The following CPA1 variants were observed in gnomAD, a reference collection of about 807,000 sequenced individuals.
CPA1 encodes carboxypeptidase A1 (pancreatic).
CPA1 carries 42 observed loss-of-function variants against 48.7 expected under a neutral mutation model. That is an observed-to-expected ratio of 0.86 (90% CI 0.67 to 1.11). The LOEUF is 1.11. Among genes scored for constraint, CPA1 ranks in the 50% most tolerant of loss-of-function variants. CPA1 has a pLI of 0.00. For missense variants in CPA1, 477 were observed against 544.7 expected (o/e 0.88, Z 1.24); for synonymous variants, 203 against 217.9 (o/e 0.93, Z 0.60).
chr7:130,387,828 A>G lies in CPA1; in HGVS notation c.1077A>G (p.Gln359=). ...NYGSIIKAIY[Q]ASGSTIDWTY... ...CCTATTTTACTCCTGCCCCAGATCA[A>G]GCCAGTGGAAGCACTATTGACTGGA... The change falls in exon 10 of 10, where the codon CAA becomes CAG. Residue 359 remains glutamine, a synonymous_variant. Coordinates refer to ENST00000011292, the MANE Select transcript of CPA1 (RefSeq NM_001868.4). This position sits in a 1 kb window ranked among gnomAD's most constrained non-coding sequence, Gnocchi z 4.6. The G allele has an allele frequency of 3.1e-6, 5 of 1,613,852 alleles. No homozygotes were observed. The Admixed American group carries it at 5.0e-5, about 16-fold the overall frequency.
At chr7:130,381,585 G>C in intron 2 of CPA1, 45 bp from the exon 3 acceptor site, 1 of 1,486,202 alleles carries the variant, frequency 6.7e-7, no homozygotes, top group Non-Finnish European at 9.4e-7. Flanking sequence ...GTCCTGGCTG[G>C]TGCCCCCAGC....
In CPA1 at chr7:130,383,771, G is replaced by A. The variant is rs782112003; in HGVS notation, c.673G>A (p.Gly225Ser). 30 of 1,613,910 alleles carry A rather than the reference G, an allele frequency of 1.9e-5. No homozygotes were observed. The highest frequency in any genetic ancestry group is 1.3e-4 in the East Asian group (6 of 44,886). ...IFLEIVTNPDGFAFTHSTNRM... is the reference protein window; with the variant it reads ...IFLEIVTNPDSFAFTHSTNRM... ...CCTGGAGATCGTCACCAACCCTGAT[G>A]GCTTTGCCTTCACGCACAGCACGGT... Residue 225 changes from glycine (G) to serine (S), a missense_variant, in exon 6 of 10, where the codon GGC (glycine) becomes AGC (serine). Transcript: ENST00000011292.
intron 9 of CPA1, among the ~76,000 whole-genome samples, chr7:130,386,404 C>G (rs765189721): frequency 5.9e-5 from 9 of 151,630 alleles, no homozygotes; most frequent in Non-Finnish European, 1.3e-4. Flanking sequence ...TGGTGGTGTG[C>G]GCCTGTAGTC....
Position 130,387,926 on chromosome 7 carries a change from C to A in CPA1, c.1175C>A (p.Pro392Gln). 6.2e-7 allele frequency: 1 copy of A among 1,614,184 alleles called. No individual in the cohort carries two copies. Among genetic ancestry groups the A allele is most frequent in the Non-Finnish European group, 8.5e-7 (1 of 1,180,032 alleles). The change falls in exon 10 of 10, where the codon CCA becomes CAA. Residue 392 changes from proline to glutamine, a missense_variant. Coordinates refer to ENST00000011292, the MANE Select transcript of CPA1 (RefSeq NM_001868.4). This position sits in a 1 kb window ranked among gnomAD's most constrained non-coding sequence, Gnocchi z 4.6. ...ACTGGGCGCTATGGCTTCCTGCTGC[C>A]AGCCTCCCAGATCATCCCCACAGCC... ...RDTGRYGFLLPASQIIPTAKE... is the reference protein window; with the variant it reads ...RDTGRYGFLLQASQIIPTAKE...
intron 9 of CPA1, among the ~76,000 whole-genome samples, chr7:130,386,175 T>C (rs570988287): frequency 6.6e-6 from 1 of 152,108 alleles, no homozygotes; most frequent in East Asian, 1.9e-4. Flanking sequence ...TCTAGTTTCT[T>C]GGTTGGATGG....
rs1057524778 is a variant in CPA1 at position 130,383,755 on chromosome 7, C to T, written c.657C>T (p.Ile219=). The part of the protein sequence containing the change: ...ILDTLDIFLE[I]VTNPDGFAFT... ...ACACCTTGGACATCTTCCTGGAGATCGTCACCAACCCTGATGGCTTTGCCT... is the reference window on the plus strand; with the variant it reads ...ACACCTTGGACATCTTCCTGGAGATTGTCACCAACCCTGATGGCTTTGCCT... Residue 219 remains isoleucine, a synonymous_variant, in exon 6 of 10, where the codon ATC becomes ATT. Transcript: ENST00000011292. 13 of 1,614,018 alleles carry T rather than the reference C, an allele frequency of 8.1e-6. No homozygotes were observed. The highest frequency in any genetic ancestry group is 5.0e-5 in the Admixed American group (3 of 60,000).
intron 2 of CPA1, 87 bp from the exon 3 acceptor site, chr7:130,381,543 C>A (rs1373553693): frequency 2.1e-6 from 2 of 937,614 alleles, no homozygotes; most frequent in Non-Finnish European, 3.3e-6. Flanking sequence ...GCACCAACAG[C>A]CCCTCCCACG....
intron 7 of CPA1, 107 bp from the exon 8 acceptor site, chr7:130,385,039 G>A (rs1796454567): frequency 1.8e-6 from 2 of 1,117,204 alleles, no homozygotes; most frequent in Non-Finnish European, 2.7e-6. Context: ...AGGGGTGGGA[G>A]TGAGCCCTTC....
chr7:130,385,217 A>G lies in CPA1; in HGVS notation c.859A>G (p.Lys287Glu), dbSNP rs550709882. ...GTTTGCCAATTCCGAAGTGGAGGTC[A>G]AGTCCATTGTAGACTTTGTGAAGGA... is the stretch of plus-strand genomic sequence containing the variant. ...GKFANSEVEV[K>E]SIVDFVKDHG... Residue 287 changes from lysine to glutamate, a missense_variant, in exon 8 of 10, where the codon AAG (lysine) becomes GAG (glutamate). Transcript: ENST00000011292. The G allele has an allele frequency of 3.7e-5, 59 of 1,614,228 alleles. 1 individual carries two copies. The South Asian group carries it at 6.4e-4, about 17-fold the overall frequency.
intron 1 of CPA1, 45 bp from the exon 2 acceptor site, chr7:130,381,053 G>A (rs1554411088): frequency 6.6e-7 from 1 of 1,519,218 alleles, no homozygotes; most frequent in Non-Finnish European, 9.1e-7. Context: ...TGTGGCCAGG[G>A]CAGGTGCAGC....
At position 130,385,868 on chromosome 7, in the gene CPA1, C is replaced by T. The variant is rs782263314; in HGVS notation, c.1017C>T (p.Ala339=). The T allele has an allele frequency of 2.0e-5, 33 of 1,614,126 alleles. No homozygotes were observed. In the East Asian group the frequency reaches 7.4e-4, roughly 36 times the overall value. The change falls in exon 9 of 10, where the codon GCC becomes GCT. Residue 339 remains alanine, a synonymous_variant. Coordinates refer to ENST00000011292, the MANE Select transcript of CPA1 (RefSeq NM_001868.4). ...LDQLSKAAVT[A]LASLYGTKFN... ...AGCTTTCCAAGGCTGCTGTGACAGC[C>T]CTGGCCTCTCTCTACGGGACCAAGT...
At chr7:130,386,682 A>G (rs1554412079) in intron 9 of CPA1, among the ~76,000 whole-genome samples, 1 of 152,220 alleles carries the variant, frequency 6.6e-6, no homozygotes, top group African/African-American at 2.4e-5. Flanking sequence ...TTTATTGAAC[A>G]CCTACTATAC....
chr7:130,385,756 C>A, intron 8 of CPA1, 83 bp from the exon 9 acceptor site: 1 of 1,136,096 alleles, frequency 8.8e-7, no homozygotes, highest in Non-Finnish European at 1.3e-6. Flanking sequence ...TCCTAGGCTC[C>A]CCTGCCAGCC....
chr7:130,381,176 G>A lies in CPA1; in HGVS notation c.144G>A (p.Leu48=), dbSNP rs965614266. Residue 48 remains leucine (L), a synonymous_variant, in exon 2 of 10, where the codon CTG becomes CTA. Coordinates refer to ENST00000011292, the MANE Select transcript of CPA1 (RefSeq NM_001868.4). ...AGGAGCTGGAGGACCTGGAGCACCT[G>A]CAGGTCAGAAGAGGGGAGAAGGGCT... is the stretch of plus-strand genomic sequence containing the variant. The part of the protein sequence containing the change: ...KVKELEDLEH[L]QLDFWRGPAH... 3 of 1,611,356 alleles carry A rather than the reference G, an allele frequency of 1.9e-6. No homozygotes were observed. Among genetic ancestry groups the A allele is most frequent in the Non-Finnish European group, 2.5e-6 (3 of 1,178,246 alleles).
At chr7:130,382,269 G>A in intron 4 of CPA1, 60 bp downstream of exon 4, 1 of 1,290,218 alleles carries the variant, frequency 7.8e-7, no homozygotes. Context: ...CATCCGTGAT[G>A]GGCGTGGGCT....
At chr7:130,381,588 C>T (rs2117499954) in intron 2 of CPA1, 42 bp from the exon 3 acceptor site, 6 of 1,482,468 alleles carry the variant, frequency 4.0e-6, no homozygotes, top group Admixed American at 1.7e-5. Context: ...CTGGCTGGTG[C>T]CCCCAGCCCG....
chr7:130,383,779 CT>C lies in CPA1; in HGVS notation c.683del (p.Phe228SerfsTer63). ...TCGTCACCAACCCTGATGGCTTTGC[CT>C]TCACGCACAGCACGGTACCGGCCTT... ...EIVTNPDGFA[F>X]THSTNRMWRK... On this transcript the variant is annotated frameshift_variant, in exon 6 of 10. Transcript: ENST00000011292. LOFTEE classifies it high-confidence loss of function. 6.2e-7 allele frequency: 1 copy of C among 1,613,260 alleles called. No homozygotes were observed. Among genetic ancestry groups the C allele is most frequent in the Non-Finnish European group, 8.5e-7 (1 of 1,179,232 alleles).
At chr7:130,383,547 G>A in intron 5 of CPA1, 55 bp downstream of exon 5, 1 of 1,497,948 alleles carries the variant, frequency 6.7e-7, no homozygotes, top group Non-Finnish European at 9.2e-7. Flanking sequence ...GGTGTCCAAG[G>A]CCCACAGAAG....
At chr7:130,384,153 T>G (rs1554411649) in intron 6 of CPA1, 1 of 432,432 alleles carries the variant, frequency 2.3e-6, no homozygotes. Context: ...AGACCTTACT[T>G]CCTGGTCCTA....
Sources: gnomAD v4.1 joint callset for allele counts (sites outside exome capture counted in the v4.1 genomes callset) on GRCh38, gnomAD v4.1.1 for gene constraint, Gnocchi (gnomAD v3.1) non-coding constraint, MANE v1.5 for transcripts, NCBI Gene and HGNC (gene_info 2026-07-23, HGNC 2026-07-21) for gene names.